Variants in RAD18 observed in about 807,000 individuals in gnomAD.
RAD18 encodes RAD18 E3 ubiquitin protein ligase, also known as E3 ubiquitin-protein ligase RAD18.
In RAD18, 47 loss-of-function variants were observed where a neutral mutation model predicts 60.4. The observed-to-expected ratio is 0.78, with a 90% CI of 0.62 to 0.99. The LOEUF is 0.99. Ranked by LOEUF, RAD18 falls within the 50% of genes least tolerant of loss-of-function variation. The pLI is 0.00. For missense variants in RAD18, 640 were observed against 593.3 expected, an observed-to-expected ratio of 1.08 and a Z score of -0.82; for synonymous variants, 225 against 195.5, an observed-to-expected ratio of 1.15 and a Z score of -1.26.
At chr3:8,891,092 ATATATC>A (rs1173931224) in intron 11 of RAD18, among the ~76,000 whole-genome samples, 4 of 147,264 alleles carry the variant, frequency 2.7e-5, no homozygotes, top group Admixed American at 2.7e-4. Flanking sequence ...ATATATATAT[ATATATC>A]TGTGTTTTAT....
intron 9 of RAD18, among the ~76,000 whole-genome samples, chr3:8,904,253 T>A (rs752789679): frequency 6.6e-6 from 1 of 152,204 alleles, no homozygotes; most frequent in East Asian, 1.9e-4. Flanking sequence ...TAAAAACACA[T>A]GTTCATTTTA....
intron 12 of RAD18, chr3:8,890,166 C>G (rs563827795): frequency 1.9e-6 from 1 of 531,290 alleles, no homozygotes; most frequent in South Asian, 2.4e-5. Flanking sequence ...TTTATCCATA[C>G]AGAAATAACA....
At chr3:8,926,764 G>C (rs373123805) in intron 7 of RAD18, among the ~76,000 whole-genome samples, 1 of 150,594 alleles carries the variant, frequency 6.6e-6, no homozygotes, top group African/African-American at 2.4e-5. Context: ...GCATATCTAC[G>C]ACTATCTGAT....
At chr3:8,942,881 T>C (rs1366348615) in intron 4 of RAD18, among the ~76,000 whole-genome samples, 1 of 152,100 alleles carries the variant, frequency 6.6e-6, no homozygotes, top group Non-Finnish European at 1.5e-5. Flanking sequence ...ACTGGTAAAT[T>C]AAAATCCCAA....
chr3:8,885,717 T>C (rs1398662565), intron 12 of RAD18, among the ~76,000 whole-genome samples: 2 of 152,158 alleles, frequency 1.3e-5, no homozygotes, highest in African/African-American at 4.8e-5. Flanking sequence ...ATTCAACAGG[T>C]TACAGGAGGA....
intron 2 of RAD18, among the ~76,000 whole-genome samples, chr3:8,949,166 A>G (rs929457352): frequency 1.3e-5 from 2 of 152,208 alleles, no homozygotes; most frequent in Non-Finnish European, 2.9e-5. Context: ...AATGGGCACA[A>G]ACTAAATTCA....
At position 8,878,797 on chromosome 3, in the gene RAD18, A is replaced by C. The variant is rs1939409285; in HGVS notation, c.*2560T>G. 1 of 152,250 alleles carries C rather than the reference A, an allele frequency of 6.6e-6. No homozygotes were observed. The highest frequency in any genetic ancestry group is 1.5e-5 in the Non-Finnish European group (1 of 68,040). 9.4% of individuals were successfully genotyped at this position (152,250 alleles called of 1,614,324 possible). ...ACCTGCACCCCCACAAACCATAAGC[A>C]TCACTGCCATTCTGAGCTGATGTTG... On this transcript the variant is annotated 3_prime_UTR_variant, in exon 13 of 13. Coordinates refer to ENST00000264926, the MANE Select transcript of RAD18 (RefSeq NM_020165.4).
chr3:8,881,575 A>G (rs1308489463), intron 12 of RAD18, 116 bp from the exon 13 acceptor site: 2 of 744,210 alleles, frequency 2.7e-6, no homozygotes, highest in South Asian at 1.8e-5. Flanking sequence ...ATAATCCTCT[A>G]TTCTGTTGAT....
At chr3:8,895,125 CA>C (rs1017559519) in intron 11 of RAD18, among the ~76,000 whole-genome samples, 24 of 140,504 alleles carry the variant, frequency 1.7e-4, no homozygotes, top group East Asian at 6.1e-4. Flanking sequence ...TAGAAAGTTC[CA>C]AAAAAAAAAA....
At chr3:8,893,501 T>C (rs1939727801) in intron 11 of RAD18, among the ~76,000 whole-genome samples, 1 of 152,154 alleles carries the variant, frequency 6.6e-6, no homozygotes, top group Non-Finnish European at 1.5e-5. Flanking sequence ...CAAACCCCTA[T>C]TTTTAGTAAT....
chr3:8,886,668 G>A (rs1939570734), intron 12 of RAD18, among the ~76,000 whole-genome samples: 2 of 152,238 alleles, frequency 1.3e-5, no homozygotes, highest in African/African-American at 4.8e-5. Flanking sequence ...TGAGAGTGCT[G>A]CTGGAGCAAA....
At chr3:8,951,539 C>T (rs528188621) in intron 2 of RAD18, among the ~76,000 whole-genome samples, 1 of 152,162 alleles carries the variant, frequency 6.6e-6, no homozygotes, top group African/African-American at 2.4e-5. Flanking sequence ...CTCCAATCTA[C>T]GTAAAGAAAG....
chr3:8,901,107 C>T (rs1939904463), intron 10 of RAD18, among the ~76,000 whole-genome samples: 1 of 152,130 alleles, frequency 6.6e-6, no homozygotes, highest in South Asian at 2.1e-4. Context: ...TAGGGAAATG[C>T]AAATCAAAAC....
At chr3:8,915,172 A>T (rs1384977449) in intron 7 of RAD18, among the ~76,000 whole-genome samples, 1 of 151,142 alleles carries the variant, frequency 6.6e-6, no homozygotes, top group Admixed American at 6.6e-5. Flanking sequence ...AAAGAAAACT[A>T]TATTAGGATT....
At chr3:8,929,646 T>C (rs1940515071) in intron 7 of RAD18, among the ~76,000 whole-genome samples, 1 of 132,372 alleles carries the variant, frequency 7.6e-6, no homozygotes, top group African/African-American at 3.9e-5. Flanking sequence ...GGAATTAATT[T>C]TTTTTTTTTT....
intron 7 of RAD18, among the ~76,000 whole-genome samples, chr3:8,934,456 A>C (rs993536139): frequency 5.9e-5 from 9 of 152,218 alleles, no homozygotes; most frequent in African/African-American, 2.2e-4. Context: ...CAGGTATTTC[A>C]CTACAGAGGA....
At chr3:8,945,276 ATC>A (rs1014399675) in intron 4 of RAD18, among the ~76,000 whole-genome samples, 5 of 152,150 alleles carry the variant, frequency 3.3e-5, no homozygotes, top group Middle Eastern at 3.2e-3. Flanking sequence ...ATTGAAAGAA[ATC>A]TGTTTATATT....
At chr3:8,902,666 T>G in intron 9 of RAD18, 146 bp from the exon 10 acceptor site, 1 of 727,048 alleles carries the variant, frequency 1.4e-6, no homozygotes, top group South Asian at 2.9e-5. Flanking sequence ...CTGAAGTGAA[T>G]GGATCACTTG....
At chr3:8,885,758 T>C (rs1218513941) in intron 12 of RAD18, among the ~76,000 whole-genome samples, 1 of 152,242 alleles carries the variant, frequency 6.6e-6, no homozygotes, top group African/African-American at 2.4e-5. Flanking sequence ...GGGATCCTAA[T>C]GCATGTCCTA....
Sources: allele counts gnomAD v4.1 joint callset (sites outside exome capture counted in the v4.1 genomes callset), GRCh38; gene constraint gnomAD v4.1.1; transcripts MANE v1.5; gene names NCBI Gene and HGNC (gene_info 2026-07-23, HGNC 2026-07-21).